Variants in FANCL observed in about 807,000 individuals in gnomAD.
FANCL encodes FA complementation group L, also known as E3 ubiquitin-protein ligase FANCL.
Under a neutral mutation model 59.4 loss-of-function variants are expected in FANCL, and 69 were observed. That is an observed-to-expected ratio of 1.16 (90% CI 0.96 to 1.42). The LOEUF (loss-of-function observed/expected upper bound fraction) is 1.42, where lower values mean the gene tolerates loss of function less well. FANCL is among the 40% of genes most tolerant of loss of function. FANCL has a pLI of 0.00. For synonymous variants in FANCL, 180 were observed against 147.1 expected (o/e 1.22, Z -1.62); for missense variants, 519 against 447.2 (o/e 1.16, Z -1.45).
intron 4 of FANCL, among the ~76,000 whole-genome samples, chr2:58,225,336 T>C (rs1457915657): frequency 6.6e-6 from 1 of 151,910 alleles, no homozygotes; most frequent in Admixed American, 6.6e-5. Flanking sequence ...TTATCCAGTC[T>C]CTCCAGTATA....
intron 7 of FANCL, among the ~76,000 whole-genome samples, chr2:58,180,889 C>G (rs1361999528): frequency 6.6e-6 from 1 of 151,720 alleles, no homozygotes; most frequent in East Asian, 1.9e-4. Context: ...AGTGAGAGTA[C>G]TAATATTAAT....
At chr2:58,171,311 T>G (rs2104864597) in intron 7 of FANCL, among the ~76,000 whole-genome samples, 1 of 152,216 alleles carries the variant, frequency 6.6e-6, no homozygotes, top group Admixed American at 6.5e-5. Context: ...ATAAATAAGT[T>G]TTTTGAAACT....
intron 7 of FANCL, among the ~76,000 whole-genome samples, chr2:58,184,340 A>G (rs1688200342): frequency 6.6e-6 from 1 of 152,092 alleles, no homozygotes; most frequent in Non-Finnish European, 1.5e-5. Context: ...TATTTAAAGG[A>G]GAAGTAAAAA....
At chr2:58,196,194 A>G (rs1279208316) in intron 7 of FANCL, among the ~76,000 whole-genome samples, 2 of 152,152 alleles carry the variant, frequency 1.3e-5, no homozygotes, top group Non-Finnish European at 2.9e-5. Flanking sequence ...CCTATATACC[A>G]ATTTTGGGTA....
intron 7 of FANCL, among the ~76,000 whole-genome samples, chr2:58,186,276 T>C (rs1248443969): frequency 6.6e-6 from 1 of 152,142 alleles, no homozygotes; most frequent in South Asian, 2.1e-4. Context: ...CAGAATTTTC[T>C]TTAAGAAGGT....
chr2:58,197,037 A>G (rs1023740620), intron 7 of FANCL, among the ~76,000 whole-genome samples: 2 of 151,834 alleles, frequency 1.3e-5, no homozygotes, highest in Non-Finnish European at 2.9e-5. Flanking sequence ...AATAGAAAAA[A>G]AAATCAACAT....
Position 58,226,788 on chromosome 2 carries a change from G to A in FANCL, c.217-4C>T, listed in dbSNP as rs369048526. ...GATCAGGAGAGTGCTGCATTCTCTA[G>A]ATCAAAATATTTCCAATTAATTTCA... On this transcript the variant is annotated splice_polypyrimidine_tract_variant and splice_region_variant and intron_variant, in intron 3 of 13. Transcript: ENST00000233741. The A allele has an allele frequency of 6.2e-7, 1 of 1,610,378 alleles. No individual in the cohort carries two copies. The highest frequency in any genetic ancestry group is 2.2e-5 in the East Asian group (1 of 44,742).
intron 7 of FANCL, chr2:58,194,403 A>T (rs1689234156): frequency 2.4e-6 from 1 of 423,766 alleles, no homozygotes; most frequent in Non-Finnish European, 4.8e-6. Context: ...CTAAAGCATT[A>T]AGGATATATT....
chr2:58,235,845 A>G (rs1173608377), intron 1 of FANCL, among the ~76,000 whole-genome samples: 4 of 152,062 alleles, frequency 2.6e-5, no homozygotes, highest in Non-Finnish European at 5.9e-5. Context: ...AATGTTTGAG[A>G]TTTTTAAAAA....
chr2:58,160,504 C>T (rs1335571721), intron 12 of FANCL, among the ~76,000 whole-genome samples: 3 of 151,898 alleles, frequency 2.0e-5, no homozygotes, highest in African/African-American at 7.2e-5. Context: ...ATACTAAGTT[C>T]CTGGCATTCA....
At chr2:58,163,184 T>C (rs967436474) in intron 9 of FANCL, 110 bp from the exon 10 acceptor site, 4 of 990,870 alleles carry the variant, frequency 4.0e-6, no homozygotes, top group Non-Finnish European at 6.1e-6. Flanking sequence ...ATCAAAATTA[T>C]ATGTATTATG....
chr2:58,190,814 A>G (rs1688854126), intron 7 of FANCL, among the ~76,000 whole-genome samples: 1 of 151,772 alleles, frequency 6.6e-6, no homozygotes, highest in African/African-American at 2.4e-5. Flanking sequence ...AAACTCCAAT[A>G]TTTTCCAATT....
At chr2:58,234,728 C>T (rs1693860916) in intron 1 of FANCL, among the ~76,000 whole-genome samples, 1 of 151,896 alleles carries the variant, frequency 6.6e-6, no homozygotes, top group South Asian at 2.1e-4. Context: ...AGTCCAGAGT[C>T]TCTAGGTAAA....
At chr2:58,193,487 C>G (rs529915166) in intron 7 of FANCL, among the ~76,000 whole-genome samples, 1 of 152,152 alleles carries the variant, frequency 6.6e-6, no homozygotes, top group African/African-American at 2.4e-5. Context: ...GTCTATAGGT[C>G]AAATGACTGC....
At chr2:58,185,686 A>G (rs1479554642) in intron 7 of FANCL, among the ~76,000 whole-genome samples, 3 of 152,178 alleles carry the variant, frequency 2.0e-5, no homozygotes, top group African/African-American at 7.2e-5. Flanking sequence ...CTCATGTTTA[A>G]TAAATGAAAT....
rs771462211 is a variant in FANCL at position 58,204,092 on chromosome 2, A to ATT, written c.471+36_471+37dup. 7 of 1,484,834 alleles carry ATT rather than the reference A, an allele frequency of 4.7e-6. No individual in the cohort carries two copies. In the Admixed American group the frequency reaches 1.0e-4, roughly 21 times the overall value. The allele number at this position is 1,484,834 out of a possible 1,614,324, so 92.0% of individuals were successfully genotyped here. A position where few individuals can be genotyped will look rare whatever the true frequency, so the allele number is the denominator to read the frequency against. ...ATTCACAGAGTTCATTTCACAAAGT[A>ATT]TTTTCTGATCACAATAACAGTTTAA... On this transcript the variant is annotated intron_variant, in intron 6 of 13. Transcript: ENST00000233741.
intron 5 of FANCL, among the ~76,000 whole-genome samples, chr2:58,204,512 C>G (rs985966626): frequency 2.6e-5 from 4 of 152,040 alleles, no homozygotes; most frequent in African/African-American, 7.2e-5. Context: ...ATCACTGGAA[C>G]CTTTGGCACA....
At chr2:58,194,323 A>T in intron 7 of FANCL, 1 of 470,522 alleles carries the variant, frequency 2.1e-6, no homozygotes, top group Non-Finnish European at 4.4e-6. Flanking sequence ...CAGTGCACTT[A>T]AAATCTGACA....
intron 4 of FANCL, among the ~76,000 whole-genome samples, chr2:58,225,777 T>C (rs1456591359): frequency 6.6e-6 from 1 of 152,036 alleles, no homozygotes; most frequent in Non-Finnish European, 1.5e-5. Flanking sequence ...TAGAAGATTT[T>C]ATAGGACACC....
Sources: allele counts gnomAD v4.1 joint callset (sites outside exome capture counted in the v4.1 genomes callset), GRCh38; gene constraint gnomAD v4.1.1; transcripts MANE v1.5; gene names NCBI Gene and HGNC (gene_info 2026-07-23, HGNC 2026-07-21).